ZNF423: variants seen among roughly 807,000 people sequenced by gnomAD.
ZNF423 encodes zinc finger protein 423.
In ZNF423, 12 loss-of-function variants were observed where a neutral mutation model predicts 95.8. The observed-to-expected ratio is 0.13, with a 90% CI of 0.08 to 0.20. The LOEUF is 0.20. Ranked by LOEUF, ZNF423 falls within the 10% of genes least tolerant of loss-of-function variation. The pLI is 1.00. For synonymous variants in ZNF423, 749 were observed against 711.9 expected, an observed-to-expected ratio of 1.05 and a Z score of -0.83; for missense variants, 1,316 against 1,737.1, an observed-to-expected ratio of 0.76 and a Z score of 4.31.
chr16:49,726,846 T>A (rs866442393), intron 3 of ZNF423, among the ~76,000 whole-genome samples: 10 of 96,074 alleles, frequency 1.0e-4, no homozygotes, highest in Admixed American at 6.9e-4. Context: ...AAAGACAGAG[T>A]TCCCCCTAGC....
chr16:49,721,738 C>A (rs1275245083), intron 3 of ZNF423, among the ~76,000 whole-genome samples: 1 of 152,162 alleles, frequency 6.6e-6, no homozygotes, highest in Non-Finnish European at 1.5e-5. Flanking sequence ...GGTGGTCAAG[C>A]AGGCTGGGTA....
chr16:49,567,141 A>G (rs2151779788), intron 5 of ZNF423, among the ~76,000 whole-genome samples: 1 of 152,320 alleles, frequency 6.6e-6, no homozygotes, highest in African/African-American at 2.4e-5. Context: ...AAAGGAACAG[A>G]GACTTGCCAA....
intron 3 of ZNF423, among the ~76,000 whole-genome samples, chr16:49,712,941 T>A (rs2032591653): frequency 6.6e-6 from 1 of 152,216 alleles, no homozygotes; most frequent in South Asian, 2.1e-4. Context: ...ATTGCCAATT[T>A]CTCCAGGAGT....
At position 49,730,899 on chromosome 16, in the gene ZNF423, C is replaced by T. The variant is rs1567316336; in HGVS notation, c.173G>A (p.Ser58Asn). Residue 58 changes from serine to asparagine, a missense_variant, in exon 3 of 8, where the codon AGT (serine) becomes AAT (asparagine). Ser to Asn is a conservative substitution (Grantham distance 46). Around this residue, in one of 6 missense-constraint regions of ZNF423, gnomAD observed 155 missense variants for 170.8 expected, o/e 0.91. Transcript: ENST00000563137. The stretch of plus-strand genomic sequence containing the variant: ...ATCATCCTCATTTCTCTCCTCTTGA[C>T]TTGTCACGCTGTTCCTGTCTTCCAG... ...RALEDRNSVT[S>N]QEERNEDDED... The T allele has an allele frequency of 2.5e-6, 4 of 1,614,206 alleles. No individual in the cohort carries two copies. Among genetic ancestry groups the T allele is most frequent in the Non-Finnish European group, 3.4e-6 (4 of 1,180,038 alleles).
At chr16:49,558,868 G>A (rs1969926037) in intron 5 of ZNF423, among the ~76,000 whole-genome samples, 1 of 152,222 alleles carries the variant, frequency 6.6e-6, no homozygotes, top group Non-Finnish European at 1.5e-5. Context: ...GAAGCACCAA[G>A]GTGTACCTGG....
At position 49,566,595 on chromosome 16, in the gene ZNF423, T is replaced by C. The variant is rs962276039; in HGVS notation, c.3602-41101A>G. Among the ~76,000 whole-genome samples the C allele has an allele frequency of 2.0e-5, 3 of 152,264 alleles. No homozygotes were observed. The East Asian group carries it at 5.8e-4, about 29-fold the overall frequency. ...TAAAAAATCCAGTCTTCCCTCAGAA[T>C]TGATACGGCAGCAGCTGTATCTCTT... On this transcript the variant is annotated intron_variant, in intron 5 of 7. Coordinates refer to ENST00000563137, the MANE Select transcript of ZNF423 (RefSeq NM_001379286.1).
At chr16:49,512,957 A>G (rs1258833667) in intron 7 of ZNF423, among the ~76,000 whole-genome samples, 1 of 152,112 alleles carries the variant, frequency 6.6e-6, no homozygotes, top group South Asian at 2.1e-4. Context: ...TTAGCCAGGC[A>G]TGGTGGTGGG....
intron 7 of ZNF423, among the ~76,000 whole-genome samples, chr16:49,520,202 A>G (rs745941565): frequency 1.3e-5 from 2 of 152,174 alleles, no homozygotes; most frequent in Non-Finnish European, 2.9e-5. Flanking sequence ...CTGGCACATC[A>G]TGGGCCCTCC....
intron 1 of ZNF423, among the ~76,000 whole-genome samples, chr16:49,821,587 G>A (rs975586695): frequency 6.6e-6 from 1 of 152,120 alleles, no homozygotes; most frequent in East Asian, 1.9e-4. Flanking sequence ...TCACTCTAAG[G>A]CCTTCAGGGG....
At position 49,736,939 on chromosome 16, in the gene ZNF423, G is replaced by C. The variant is rs147928594; in HGVS notation, c.101-5968C>G. Among the ~76,000 whole-genome samples, 337 of 152,346 alleles carry C rather than the reference G, an allele frequency of 2.2e-3. 2 individuals carry two copies. Among genetic ancestry groups the C allele is most frequent in the African/African-American group, 7.8e-3 (324 of 41,580 alleles). ...AAGACAGATGGCCCCATGCCCTCTAGAGGGAAGGAGCAGCAGAGGCCTTGC... is the reference window on the plus strand; with the variant it reads ...AAGACAGATGGCCCCATGCCCTCTACAGGGAAGGAGCAGCAGAGGCCTTGC... On this transcript the variant is annotated intron_variant, in intron 2 of 7. Coordinates refer to ENST00000563137, the MANE Select transcript of ZNF423 (RefSeq NM_001379286.1).
At chr16:49,751,761 G>A (rs1417957754) in intron 2 of ZNF423, among the ~76,000 whole-genome samples, 1 of 152,282 alleles carries the variant, frequency 6.6e-6, no homozygotes, top group Non-Finnish European at 1.5e-5. Flanking sequence ...CCATGCATGG[G>A]CTCTGCTCCC....
At chr16:49,496,474 C>G (rs1967171175) in intron 7 of ZNF423, among the ~76,000 whole-genome samples, 1 of 152,104 alleles carries the variant, frequency 6.6e-6, no homozygotes, top group African/African-American at 2.4e-5. Context: ...CTCTCTCTCC[C>G]CATGTGACGG....
At position 49,855,532 on chromosome 16, in the gene ZNF423, G is replaced by GCCGCCT. The variant is rs1555490835; in HGVS notation, c.40+197_40+202dup. Among the ~76,000 whole-genome samples the GCCGCCT allele has an allele frequency of 3.0e-5, 4 of 134,102 alleles. No individual in the cohort carries two copies. Among genetic ancestry groups the GCCGCCT allele is most frequent in the Middle Eastern group, 4.0e-3 (1 of 250 alleles). 88.0% of individuals were successfully genotyped at this position (134,102 alleles called of 152,430 possible). A position where few individuals can be genotyped will look rare whatever the true frequency, so the allele number is the denominator to read the frequency against. On this transcript the variant is annotated intron_variant, in intron 1 of 7. Transcript: ENST00000563137. This position sits in a 1 kb window ranked among gnomAD's most constrained non-coding sequence, Gnocchi z 4.7. ...CCCCTCCGCCGCCGCCGCCGCCGCC[G>GCCGCCT]CCGCCTCCGCCTCCTGCTCCCGGCT...
chr16:49,595,850 C>T (rs547730547), intron 5 of ZNF423, among the ~76,000 whole-genome samples: 157 of 152,284 alleles, frequency 1.0e-3, no homozygotes, highest in South Asian at 1.7e-3. Flanking sequence ...ATAGTTATTA[C>T]ATTACAAGGA....
chr16:49,618,889 T>C (rs1355782808), intron 5 of ZNF423, among the ~76,000 whole-genome samples: 1 of 152,102 alleles, frequency 6.6e-6, no homozygotes, highest in Non-Finnish European at 1.5e-5. Context: ...CTTAAATGTT[T>C]CTCCAGCCCA....
intron 2 of ZNF423, among the ~76,000 whole-genome samples, chr16:49,781,877 C>T (rs562260625): frequency 3.3e-5 from 5 of 152,222 alleles, no homozygotes; most frequent in Non-Finnish European, 7.3e-5. Context: ...CCAGCTACCC[C>T]ATTGCCAGCT....
chr16:49,736,525 A>C (rs2033289680), intron 2 of ZNF423, among the ~76,000 whole-genome samples: 1 of 152,240 alleles, frequency 6.6e-6, no homozygotes, highest in African/African-American at 2.4e-5. Flanking sequence ...TTTTCAGGCC[A>C]GTCACAATGG....
rs184158666 is a variant in ZNF423 at position 49,556,648 on chromosome 16, G to A, written c.3602-31154C>T. 9.8e-5 allele frequency among the ~76,000 whole-genome samples: 15 copies of A among 152,310 alleles called. No homozygotes were observed. The East Asian group carries it at 1.2e-3, about 12-fold the overall frequency. ...AACAAGAGTTCAGCCACTGGGCTGCGGAATTTAGCCACCTGCAGTTACTTC... is the reference window on the plus strand; with the variant it reads ...AACAAGAGTTCAGCCACTGGGCTGCAGAATTTAGCCACCTGCAGTTACTTC... On this transcript the variant is annotated intron_variant, in intron 5 of 7. Transcript: ENST00000563137.
intron 5 of ZNF423, among the ~76,000 whole-genome samples, chr16:49,608,963 C>G (rs1483528339): frequency 6.6e-6 from 1 of 151,980 alleles, no homozygotes; most frequent in African/African-American, 2.4e-5. Context: ...GGAGCCAAGA[C>G]AGTCATACTT....
Sources: allele counts gnomAD v4.1 joint callset (sites outside exome capture counted in the v4.1 genomes callset), GRCh38; gene constraint gnomAD v4.1.1; regional missense constraint gnomAD v4.1.1; non-coding constraint Gnocchi (gnomAD v3.1); transcripts MANE v1.5; gene names NCBI Gene and HGNC (gene_info 2026-07-23, HGNC 2026-07-21).